The following ATXN7L1 variants were observed in gnomAD, a reference collection of about 807,000 sequenced individuals.
ATXN7L1 encodes ataxin-7-like protein 1.
ATXN7L1 carries 15 observed loss-of-function variants against 70.8 expected under a neutral mutation model. That is an observed-to-expected ratio of 0.21 (90% CI 0.14 to 0.33). ATXN7L1 has a LOEUF of 0.33. Ranked by LOEUF, ATXN7L1 falls within the 10% of genes least tolerant of loss-of-function variation. The pLI, the probability that ATXN7L1 is intolerant of heterozygous loss-of-function variation, is 1.00. For missense variants in ATXN7L1, 975 were observed against 1,097.1 expected (o/e 0.89, Z 1.57); for synonymous variants, 440 against 445.1 (o/e 0.99, Z 0.14).
chr7:105,678,843 G>A (rs1805117557), intron 3 of ATXN7L1, among the ~76,000 whole-genome samples: 1 of 152,166 alleles, frequency 6.6e-6, no homozygotes, highest in African/African-American at 2.4e-5. Flanking sequence ...ACCTCTTTCT[G>A]AGGCAGCTAC....
chr7:105,720,151 C>G (rs538778143), intron 3 of ATXN7L1, among the ~76,000 whole-genome samples: 1 of 152,292 alleles, frequency 6.6e-6, no homozygotes, highest in East Asian at 1.9e-4. Context: ...CTTGGTATAG[C>G]CCTTGGGTCA....
At chr7:105,745,406 A>AT (rs1242382924) in intron 3 of ATXN7L1, among the ~76,000 whole-genome samples, 1 of 151,964 alleles carries the variant, frequency 6.6e-6, no homozygotes, top group Non-Finnish European at 1.5e-5. Flanking sequence ...CTTGTAATAT[A>AT]TTTTTTCATG....
Position 105,735,514 on chromosome 7 carries a change from C to T in ATXN7L1, c.355+53090G>A, listed in dbSNP as rs571405366. 2.6e-5 allele frequency among the ~76,000 whole-genome samples: 4 copies of T among 152,290 alleles called. No individual in the cohort carries two copies. In the East Asian group the frequency reaches 5.8e-4, roughly 22 times the overall value. On this transcript the variant is annotated intron_variant, in intron 3 of 11. Coordinates refer to ENST00000419735, the MANE Select transcript of ATXN7L1 (RefSeq NM_020725.2). Reference sequence around the variant, plus strand: ...CTTGCAGCTGGCAAGAGAGACTGGACCCAACATTCTCCCTTGTACGCTTTG... The same window carrying T: ...CTTGCAGCTGGCAAGAGAGACTGGATCCAACATTCTCCCTTGTACGCTTTG...
At chr7:105,735,053 C>A (rs1797231172) in intron 3 of ATXN7L1, among the ~76,000 whole-genome samples, 1 of 152,176 alleles carries the variant, frequency 6.6e-6, no homozygotes, top group South Asian at 2.1e-4. Flanking sequence ...TCTATGGGAA[C>A]AAAGACTCAC....
At chr7:105,633,406 G>C (rs988828587) in intron 7 of ATXN7L1, among the ~76,000 whole-genome samples, 2 of 152,166 alleles carry the variant, frequency 1.3e-5, no homozygotes, top group Non-Finnish European at 2.9e-5. Context: ...TGAACTATGT[G>C]CCTATCTTAC....
intron 3 of ATXN7L1, among the ~76,000 whole-genome samples, chr7:105,693,223 T>C (rs1407389206): frequency 6.7e-6 from 1 of 149,848 alleles, no homozygotes; most frequent in Non-Finnish European, 1.5e-5. Context: ...AGACAAGGTT[T>C]CTCTCTTGCC....
Position 105,614,729 on chromosome 7 carries a change from G to T in ATXN7L1, c.1605C>A (p.Phe535Leu). 6.4e-7 allele frequency: 1 copy of T among 1,551,778 alleles called. No individual in the cohort carries two copies. Among genetic ancestry groups the T allele is most frequent in the Non-Finnish European group, 8.7e-7 (1 of 1,147,020 alleles). The part of the protein sequence containing the change: ...TPVPASVLQP[F>L]SNPSAVYLPS... ...GAAGATACACAGCACTGGGGTTGCT[G>T]AAAGGCTGCAAAACGGATGCTGGAA... is the stretch of plus-strand genomic sequence containing the variant. Residue 535 changes from phenylalanine (F) to leucine (L), a missense_variant, in exon 10 of 12, where the codon TTC becomes TTA. Physicochemically the swap from Phe to Leu is conservative, Grantham distance 22. This residue lies in a region of ATXN7L1 where 635 missense variants were observed against 699.4 expected (regional missense o/e 0.91). Coordinates refer to ENST00000419735, the MANE Select transcript of ATXN7L1 (RefSeq NM_020725.2). The surrounding 1 kb of genome is among the most constrained non-coding windows in gnomAD (Gnocchi z 4.3).
chr7:105,863,754 C>A lies in ATXN7L1; in HGVS notation c.250+12058G>T, dbSNP rs79671557. 5.4e-3 allele frequency among the ~76,000 whole-genome samples: 829 copies of A among 152,236 alleles called. 35 individuals are homozygous for A. In the East Asian group the frequency reaches 0.093, roughly 17 times the overall value. On this transcript the variant is annotated intron_variant, in intron 2 of 11. Transcript: ENST00000419735. ...GAAATAGGGTTGATAACAGGATTTG[C>A]CTCACAGGGTGGTCATGAGGATTAA...
intron 2 of ATXN7L1, chr7:105,819,468 T>C (rs962402339): frequency 9.9e-6 from 7 of 703,682 alleles, no homozygotes; most frequent in African/African-American, 9.1e-5. Context: ...AAAAAGAGTG[T>C]CCTTTCCCAG....
At chr7:105,778,510 CA>C (rs745820046) in intron 3 of ATXN7L1, among the ~76,000 whole-genome samples, 381 of 34,164 alleles carry the variant, frequency 0.011, 1 homozygote, top group South Asian at 0.1. Context: ...GACCCTATCT[CA>C]AAAAAAAAAA....
chr7:105,694,020 G>T (rs991635854), intron 3 of ATXN7L1, among the ~76,000 whole-genome samples: 1 of 151,324 alleles, frequency 6.6e-6, no homozygotes, highest in African/African-American at 2.4e-5. Context: ...CAGCAAGAGA[G>T]AAGTTTCAGG....
At chr7:105,621,072 C>A (rs950790807) in intron 8 of ATXN7L1, among the ~76,000 whole-genome samples, 41 of 152,168 alleles carry the variant, frequency 2.7e-4, no homozygotes, top group African/African-American at 9.7e-4. Context: ...CTGATGTCAA[C>A]AGAGCCACTT....
At chr7:105,819,795 C>G (rs1191939056) in intron 2 of ATXN7L1, 1 of 663,384 alleles carries the variant, frequency 1.5e-6, no homozygotes, top group Non-Finnish European at 2.9e-6. Context: ...TGGAGCGCCT[C>G]AAGGTGTTTG....
chr7:105,858,592 G>A (rs932118501), intron 2 of ATXN7L1, among the ~76,000 whole-genome samples: 4 of 152,138 alleles, frequency 2.6e-5, no homozygotes, highest in Non-Finnish European at 4.4e-5. Context: ...AAAATACAAC[G>A]TTTGCAATGG....
chr7:105,640,295 G>C (rs1319881170), intron 5 of ATXN7L1, among the ~76,000 whole-genome samples: 2 of 152,144 alleles, frequency 1.3e-5, no homozygotes, highest in Non-Finnish European at 2.9e-5. Flanking sequence ...ACTGCCCTGG[G>C]TCTGATGCTT....
intron 2 of ATXN7L1, among the ~76,000 whole-genome samples, chr7:105,826,114 G>A (rs1810832375): frequency 6.6e-6 from 1 of 152,234 alleles, no homozygotes; most frequent in African/African-American, 2.4e-5. Flanking sequence ...AAAAGTGGTT[G>A]CCTCTAGGGA....
intron 3 of ATXN7L1, among the ~76,000 whole-genome samples, chr7:105,774,052 A>G (rs1443171507): frequency 1.3e-5 from 2 of 152,144 alleles, no homozygotes; most frequent in African/African-American, 4.8e-5. Context: ...CTGGCTCTGC[A>G]CTGCCACCAT....
intron 9 of ATXN7L1, among the ~76,000 whole-genome samples, chr7:105,619,153 T>TTTTTTTTTC (rs1794417309): frequency 8.4e-6 from 1 of 118,852 alleles, no homozygotes; most frequent in African/African-American, 3.1e-5. Context: ...TTTTTTTTTT[T>TTTTTTTTTC]TTTTTTTTTT....
At chr7:105,875,924 G>A (rs757505001) in intron 1 of ATXN7L1, 44 bp from the exon 2 acceptor site, 4 of 1,590,044 alleles carry the variant, frequency 2.5e-6, no homozygotes, top group South Asian at 1.1e-5. Flanking sequence ...AAGGAAAAAA[G>A]GGGGGAAAAA....
Sources: gnomAD v4.1 joint callset for allele counts (sites outside exome capture counted in the v4.1 genomes callset) on GRCh38, gnomAD v4.1.1 for gene constraint, gnomAD v4.1.1 regional missense constraint, Gnocchi (gnomAD v3.1) non-coding constraint, MANE v1.5 for transcripts, NCBI Gene and HGNC (gene_info 2026-07-23, HGNC 2026-07-21) for gene names.